The following PDE10A variants were observed in gnomAD, a reference collection of about 807,000 sequenced individuals.
PDE10A encodes the protein cAMP and cAMP-inhibited cGMP 3',5'-cyclic phosphodiesterase 10A.
In PDE10A, 39 loss-of-function variants were observed where a neutral mutation model predicts 97.7. The ratio of observed to expected loss-of-function variants is 0.40; its 90% CI spans 0.31 to 0.52. PDE10A has a LOEUF of 0.52. PDE10A is among the 20% of genes least tolerant of loss of function. The probability of loss-of-function intolerance (pLI) is 0.56; values close to 1 mark genes in which losing one functional copy is unlikely to be tolerated. For missense variants in PDE10A, 731 were observed against 1,047.8 expected (o/e 0.70, Z 4.17); for synonymous variants, 371 against 376.8 (o/e 0.98, Z 0.18).
intron 1 of PDE10A, among the ~76,000 whole-genome samples, chr6:165,864,554 G>T (rs895882259): frequency 6.6e-6 from 1 of 152,162 alleles, no homozygotes; most frequent in Non-Finnish European, 1.5e-5. Flanking sequence ...ATTTAACAAA[G>T]AATTTTAAGT....
chr6:165,825,920 C>T (rs1313184682), intron 1 of PDE10A, among the ~76,000 whole-genome samples: 5 of 152,058 alleles, frequency 3.3e-5, no homozygotes, highest in African/African-American at 1.2e-4. Flanking sequence ...GAGAAACTCC[C>T]TTTTTTTTCT....
intron 1 of PDE10A, among the ~76,000 whole-genome samples, chr6:165,866,229 G>A (rs989958458): frequency 1.3e-5 from 2 of 151,948 alleles, no homozygotes; most frequent in African/African-American, 4.8e-5. Flanking sequence ...TGACTAAAAT[G>A]CATTGTAGAG....
At chr6:165,646,627 ACAG>A (rs1329907902) in intron 1 of PDE10A, among the ~76,000 whole-genome samples, 1 of 152,192 alleles carries the variant, frequency 6.6e-6, no homozygotes, top group African/African-American at 2.4e-5. Context: ...TCTGAGATGG[ACAG>A]CAGAACTCAA....
intron 2 of PDE10A, among the ~76,000 whole-genome samples, chr6:165,530,395 G>A (rs934969834): frequency 6.7e-6 from 1 of 150,152 alleles, no homozygotes; most frequent in Admixed American, 6.7e-5. Flanking sequence ...TCCAAAAAAG[G>A]TCTAATAACC....
At chr6:165,466,803 TGAAAGA>T (rs1778681214) in intron 3 of PDE10A, among the ~76,000 whole-genome samples, 1 of 151,998 alleles carries the variant, frequency 6.6e-6, no homozygotes, top group African/African-American at 2.4e-5. Context: ...AGTGTTCAAG[TGAAAGA>T]AAGAGTCACA....
chr6:165,770,203 A>G (rs1217252982), intron 1 of PDE10A, among the ~76,000 whole-genome samples: 1 of 151,288 alleles, frequency 6.6e-6, no homozygotes, highest in East Asian at 1.9e-4. Flanking sequence ...TCAGGACTAC[A>G]TATGAGTTCC....
intron 1 of PDE10A, among the ~76,000 whole-genome samples, chr6:165,795,089 A>AC (rs1177346022): frequency 6.6e-6 from 1 of 152,124 alleles, no homozygotes; most frequent in African/African-American, 2.4e-5. Flanking sequence ...GCATCTACCT[A>AC]CCCCACTCTT....
intron 1 of PDE10A, among the ~76,000 whole-genome samples, chr6:165,737,408 C>A (rs552999215): frequency 3.3e-5 from 5 of 152,042 alleles, no homozygotes; most frequent in Admixed American, 6.5e-5. Context: ...ACTAGGAAAC[C>A]AAAATTAGTA....
chr6:165,854,151 C>T (rs1390598297), intron 1 of PDE10A, among the ~76,000 whole-genome samples: 1 of 152,196 alleles, frequency 6.6e-6, no homozygotes, highest in Non-Finnish European at 1.5e-5. Context: ...CGCAGCGCAG[C>T]GCTGGCTGGG....
In PDE10A at chr6:165,496,380, A is replaced by G. The variant is rs117471121; in HGVS notation, c.995-14037T>C. On this transcript the variant is annotated intron_variant, in intron 2 of 21. Coordinates refer to ENST00000539869, the MANE Select transcript of PDE10A (RefSeq NM_001385079.1). ...AATAAGGAAGACAGGTTTGGAGTCA[A>G]TAGATCTTTCTTCAAATCTCAGCTT... Among the ~76,000 whole-genome samples, 44 of 152,326 alleles carry G rather than the reference A, an allele frequency of 2.9e-4. No individual in the cohort carries two copies. The East Asian group carries it at 7.5e-3, about 26-fold the overall frequency.
chr6:165,564,853 T>C (rs1784697596), intron 1 of PDE10A, among the ~76,000 whole-genome samples: 1 of 152,194 alleles, frequency 6.6e-6, no homozygotes, highest in Non-Finnish European at 1.5e-5. Flanking sequence ...TCCTCTCCAA[T>C]ATTCTTAACT....
At chr6:165,955,416 G>T (rs1274747423) in intron 1 of PDE10A, among the ~76,000 whole-genome samples, 1 of 152,168 alleles carries the variant, frequency 6.6e-6, no homozygotes, top group Admixed American at 6.5e-5. Flanking sequence ...CCTGAAACGT[G>T]GAAGTGACTG....
chr6:165,707,322 A>C (rs1392340880), intron 1 of PDE10A, among the ~76,000 whole-genome samples: 1 of 151,946 alleles, frequency 6.6e-6, no homozygotes, highest in Non-Finnish European at 1.5e-5. Context: ...GCCTGCTCAG[A>C]CTCTAGTTCG....
intron 1 of PDE10A, among the ~76,000 whole-genome samples, chr6:165,865,873 T>A (rs1278837114): frequency 1.3e-5 from 2 of 151,990 alleles, no homozygotes. Flanking sequence ...AATGAAATAA[T>A]AGCTAAAAAA....
At chr6:165,771,383 C>G (rs1021327985) in intron 1 of PDE10A, among the ~76,000 whole-genome samples, 4 of 151,986 alleles carry the variant, frequency 2.6e-5, no homozygotes, top group African/African-American at 9.7e-5. Flanking sequence ...GCTCGGGGCT[C>G]CTGCTCACAT....
intron 1 of PDE10A, among the ~76,000 whole-genome samples, chr6:165,642,697 C>T (rs1789194782): frequency 6.6e-6 from 1 of 152,180 alleles, no homozygotes; most frequent in African/African-American, 2.4e-5. Flanking sequence ...GGCCTTTATG[C>T]TTTCAGACAC....
intron 1 of PDE10A, among the ~76,000 whole-genome samples, chr6:165,622,764 A>G (rs1231802531): frequency 3.3e-5 from 5 of 152,188 alleles, no homozygotes; most frequent in Non-Finnish European, 7.3e-5. Context: ...ATCAATTTAG[A>G]TGCCAAGGGA....
intron 18 of PDE10A, among the ~76,000 whole-genome samples, chr6:165,363,165 A>G (rs888038862): frequency 6.6e-6 from 1 of 152,182 alleles, no homozygotes; most frequent in Non-Finnish European, 1.5e-5. Flanking sequence ...GAAACAAGAA[A>G]AGGATGTCTT....
chr6:165,434,732 A>G (rs1474840584), intron 6 of PDE10A, among the ~76,000 whole-genome samples: 1 of 152,218 alleles, frequency 6.6e-6, no homozygotes, highest in Admixed American at 6.5e-5. Context: ...AGGGAAAGCG[A>G]TGGCATAAGA....
Sources: allele counts gnomAD v4.1 joint callset (sites outside exome capture counted in the v4.1 genomes callset), GRCh38; gene constraint gnomAD v4.1.1; transcripts MANE v1.5; gene names NCBI Gene and HGNC (gene_info 2026-07-23, HGNC 2026-07-21).